Variants in RGS9 observed in about 807,000 individuals in gnomAD.
The protein encoded by RGS9 is regulator of G-protein signalling 9.
A neutral mutation model predicts 102.0 loss-of-function variants in RGS9; 78 were observed. The observed-to-expected ratio is 0.76, with a 90% CI of 0.64 to 0.92. The LOEUF (loss-of-function observed/expected upper bound fraction) is 0.92, where lower values mean the gene tolerates loss of function less well. RGS9 is among the 40% of genes least tolerant of loss of function. The pLI, the probability that RGS9 is intolerant of heterozygous loss-of-function variation, is 0.00. For missense variants in RGS9, 833 were observed against 866.1 expected, an observed-to-expected ratio of 0.96 and a Z score of 0.48; for synonymous variants, 353 against 318.6, an observed-to-expected ratio of 1.11 and a Z score of -1.15.
intron 13 of RGS9, 73 bp from the exon 14 acceptor site, chr17:65,201,915 ATTTCT>A (rs3215227): frequency 0.053 from 52,978 of 999,906 alleles, 5,183 homozygotes; most frequent in Admixed American, 0.3. Context: ...CGGTTGACTC[ATTTCT>A]TTTATTTCCT....
intron 9 of RGS9, among the ~76,000 whole-genome samples, chr17:65,181,656 C>T (rs1371998748): frequency 6.6e-6 from 1 of 152,242 alleles, no homozygotes; most frequent in Non-Finnish European, 1.5e-5. Flanking sequence ...GGCAGGATCA[C>T]TGCCATCATT....
chr17:65,192,543 G>C (rs577557137), intron 11 of RGS9, among the ~76,000 whole-genome samples: 1 of 152,058 alleles, frequency 6.6e-6, no homozygotes, highest in South Asian at 2.1e-4. Context: ...GAGCTGGGGA[G>C]GTCAAGGCTG....
At chr17:65,199,488 C>CTTTTTTTTTTT (rs3034101) in intron 13 of RGS9, among the ~76,000 whole-genome samples, 4 of 108,330 alleles carry the variant, frequency 3.7e-5, no homozygotes, top group Admixed American at 1.1e-4. Context: ...GCTTCTGTTC[C>CTTTTTTTTTTT]TTTTTTTTTT....
intron 13 of RGS9, among the ~76,000 whole-genome samples, chr17:65,200,366 C>T (rs776700329): frequency 2.5e-4 from 38 of 152,186 alleles, no homozygotes; most frequent in Non-Finnish European, 4.9e-4. Flanking sequence ...AATGATATTC[C>T]CTTGTAGTCT....
intron 11 of RGS9, among the ~76,000 whole-genome samples, chr17:65,192,613 CAA>C (rs67234329): frequency 0.28 from 36,100 of 127,028 alleles, 5,554 homozygotes; most frequent in African/African-American, 0.47. Flanking sequence ...GACAATGTCT[CAA>C]AAAAAAAAAA....
In RGS9 at chr17:65,204,300, A is replaced by G; in HGVS notation, c.1202A>G (p.Lys401Arg). The stretch of plus-strand genomic sequence containing the variant: ...ACCCACATTTACATGCTCATGAAGA[A>G]GGTAGGTGGGTCCGTGCTGTGGATA... ...AQTHIYMLMK[K>R]DSYARYLKSP... The change falls in exon 15 of 19, where the codon AAG (lysine) becomes AGG (arginine). Residue 401 changes from lysine to arginine, a missense_variant and splice_region_variant. This residue lies in a region of RGS9 where 185 missense variants were observed against 248.7 expected (regional missense o/e 0.74). Transcript: ENST00000262406. 6.2e-7 allele frequency: 1 copy of G among 1,613,840 alleles called. No homozygotes were observed. Among genetic ancestry groups the G allele is most frequent in the Non-Finnish European group, 8.5e-7 (1 of 1,179,992 alleles).
At chr17:65,143,038 C>T (rs1346582905) in intron 1 of RGS9, among the ~76,000 whole-genome samples, 2 of 151,976 alleles carry the variant, frequency 1.3e-5, no homozygotes, top group East Asian at 1.9e-4. Flanking sequence ...TTTACAGGTG[C>T]CTGCCATCAT....
intron 9 of RGS9, among the ~76,000 whole-genome samples, chr17:65,179,583 G>GC (rs1451977900): frequency 1.3e-5 from 2 of 151,952 alleles, no homozygotes; most frequent in East Asian, 1.9e-4. Context: ...TGAGATGGGG[G>GC]GGTGGGAACA....
intron 8 of RGS9, among the ~76,000 whole-genome samples, chr17:65,172,910 TTTTC>T (rs529602514): frequency 4.6e-4 from 70 of 151,720 alleles, no homozygotes; most frequent in African/African-American, 1.4e-3. Context: ...TCTATTTCTT[TTTTC>T]TTTCTTTCTT....
chr17:65,212,327 A>G (rs1341504571), intron 17 of RGS9, among the ~76,000 whole-genome samples: 2 of 151,946 alleles, frequency 1.3e-5, no homozygotes, highest in Admixed American at 6.5e-5. Context: ...GTAATTAACA[A>G]CACAAATGCC....
chr17:65,176,746 TCCATCCAC>T lies in RGS9; in HGVS notation c.583-971_583-964del, dbSNP rs1291827488. ...ATCCATCCATCCATCCATCCATCCA[TCCATCCAC>T]CCATCCACCCATCCGTCTATCTCTT... On this transcript the variant is annotated intron_variant, in intron 8 of 18. Transcript: ENST00000262406. Among the ~76,000 whole-genome samples, 996 of 137,696 alleles carry T rather than the reference TCCATCCAC, an allele frequency of 7.2e-3. 15 individuals carry two copies. Among genetic ancestry groups the T allele is most frequent in the African/African-American group, 0.029 (943 of 32,164 alleles). 90.3% of individuals were successfully genotyped at this position (137,696 alleles called of 152,430 possible). A position where few individuals can be genotyped will look rare whatever the true frequency, so the allele number is the denominator to read the frequency against.
At chr17:65,192,607 A>C (rs11654391) in intron 11 of RGS9, among the ~76,000 whole-genome samples, 37,385 of 150,834 alleles carry the variant, frequency 0.25, 6,133 homozygotes, top group African/African-American at 0.47. Flanking sequence ...GAGCAAGACA[A>C]TGTCTCAAAA....
At position 65,155,268 on chromosome 17, in the gene RGS9, C is replaced by T. The variant is rs183318537; in HGVS notation, c.154+1750C>T. Among the ~76,000 whole-genome samples, 49 of 152,308 alleles carry T rather than the reference C, an allele frequency of 3.2e-4. 1 individual carries two copies. In the East Asian group the frequency reaches 8.1e-3, roughly 25 times the overall value. ...CTGAAGGCATCCCTGACCCTGTCCCCCTCCCTGCCTTTGACTGTCATTAAT... is the reference window on the plus strand; with the variant it reads ...CTGAAGGCATCCCTGACCCTGTCCCTCTCCCTGCCTTTGACTGTCATTAAT... On this transcript the variant is annotated intron_variant, in intron 2 of 18. Coordinates refer to ENST00000262406, the MANE Select transcript of RGS9 (RefSeq NM_003835.4).
At chr17:65,179,545 G>A (rs915450448) in intron 9 of RGS9, among the ~76,000 whole-genome samples, 6 of 151,848 alleles carry the variant, frequency 4.0e-5, no homozygotes, top group African/African-American at 1.5e-4. Context: ...GAGAGAGAGG[G>A]TGGAGGCAGA....
intron 17 of RGS9, among the ~76,000 whole-genome samples, chr17:65,213,940 A>G (rs1278968122): frequency 1.3e-5 from 2 of 152,200 alleles, no homozygotes; most frequent in Non-Finnish European, 2.9e-5. Flanking sequence ...TTTATGCTTC[A>G]TAGATGTATT....
chr17:65,209,511 G>A (rs538190525), intron 16 of RGS9, among the ~76,000 whole-genome samples: 49 of 152,338 alleles, frequency 3.2e-4, no homozygotes, highest in African/African-American at 1.2e-3. Context: ...GCCCTCAAAG[G>A]CAGGTGGGCT....
chr17:65,153,387 C>A, intron 1 of RGS9, 35 bp from the exon 2 acceptor site: 1 of 1,571,986 alleles, frequency 6.4e-7, no homozygotes, highest in Non-Finnish European at 8.8e-7. Flanking sequence ...CAAAATTGTT[C>A]TCGTCAGTCG....
intron 1 of RGS9, among the ~76,000 whole-genome samples, chr17:65,146,720 C>A (rs1163856777): frequency 2.0e-5 from 3 of 151,232 alleles, no homozygotes; most frequent in Admixed American, 2.0e-4. Flanking sequence ...CATGGTGAAA[C>A]CTCATCTCTA....
chr17:65,206,640 G>A (rs1423650019), intron 15 of RGS9, among the ~76,000 whole-genome samples: 1 of 152,196 alleles, frequency 6.6e-6, no homozygotes, highest in African/African-American at 2.4e-5. Context: ...TCGTGCCACT[G>A]CAATCCGGCC....
Sources: allele counts gnomAD v4.1 joint callset (sites outside exome capture counted in the v4.1 genomes callset), GRCh38; gene constraint gnomAD v4.1.1; regional missense constraint gnomAD v4.1.1; transcripts MANE v1.5; gene names NCBI Gene and HGNC (gene_info 2026-07-23, HGNC 2026-07-21).